The following IQSEC2 variants were observed in gnomAD, a reference collection of about 807,000 sequenced individuals.
The protein encoded by IQSEC2 is IQ motif and SEC7 domain-containing protein 2.
In IQSEC2, 6 loss-of-function variants were observed where a neutral mutation model predicts 74.6. The observed-to-expected ratio is 0.08, with a 90% CI of 0.04 to 0.16. The LOEUF (loss-of-function observed/expected upper bound fraction) is 0.16, where lower values mean the gene tolerates loss of function less well. Among genes scored for constraint, IQSEC2 ranks in the 10% least tolerant of loss-of-function variants. The probability of loss-of-function intolerance (pLI) is 1.00; values close to 1 mark genes in which losing one functional copy is unlikely to be tolerated. For missense variants in IQSEC2, 734 were observed against 1,306.2 expected (o/e 0.56, Z 6.75); for synonymous variants, 494 against 544.5 (o/e 0.91, Z 1.29).
At chrX:53,275,931 G>A (rs1049821387) in intron 2 of IQSEC2, among the ~76,000 whole-genome samples, 1 of 107,459 alleles carries the variant, frequency 9.3e-6, no homozygotes, top group African/African-American at 3.4e-5. Flanking sequence ...TCGATCTCCT[G>A]ACCTCGTGAT....
At position 53,281,566 on chromosome X, in the gene IQSEC2, GTCTC is replaced by G. The variant is rs782795437; in HGVS notation, c.737+10325_737+10328del. ...GGGCAGGCCCCCTGGCCTAGCCGGT[GTCTC>G]CACCGTGTCACCACCCCCTCCTCCC... On this transcript the variant is annotated intron_variant, in intron 2 of 14. Coordinates refer to ENST00000642864, the MANE Select transcript of IQSEC2 (RefSeq NM_001111125.3). The G allele has an allele frequency of 2.4e-4, 279 of 1,140,286 alleles. 1 individual carries two copies. The highest frequency in any genetic ancestry group is 4.1e-4 in the South Asian group (20 of 48,852). 94.0% of individuals were successfully genotyped at this position (1,140,286 alleles called of 1,213,427 possible).
chrX:53,252,725 A>C (rs7052031), intron 4 of IQSEC2, among the ~76,000 whole-genome samples: 13,769 of 111,931 alleles, frequency 0.12, 958 homozygotes, highest in African/African-American at 0.26. Flanking sequence ...GCTTCCTGGC[A>C]CCCAGAAACT....
intron 1 of IQSEC2, among the ~76,000 whole-genome samples, chrX:53,304,223 A>G (rs189162289): frequency 8.9e-6 from 1 of 111,979 alleles, no homozygotes; most frequent in African/African-American, 3.2e-5. Flanking sequence ...GACAAAAAGT[A>G]TAGCGAACAG....
chrX:53,299,180 G>A (rs2075185487), intron 1 of IQSEC2, among the ~76,000 whole-genome samples: 1 of 110,579 alleles, frequency 9.0e-6, no homozygotes, highest in African/African-American at 3.3e-5. Context: ...TCAAAATGCT[G>A]GGATTACAGG....
At position 53,319,421 on chromosome X, in the gene IQSEC2, T is replaced by C. The variant is rs1349870351; in HGVS notation, c.707+996A>G. The stretch of plus-strand genomic sequence containing the variant: ...CTGATGGCCTAAGAGAGAAAGAGAC[T>C]CAGTCAAGGTCACAAAGCCAATCTG... On this transcript the variant is annotated intron_variant, in intron 1 of 14. Transcript: ENST00000642864. 2.7e-5 allele frequency among the ~76,000 whole-genome samples: 3 copies of C among 111,913 alleles called. No individual in the cohort carries two copies. In the East Asian group the frequency reaches 8.4e-4, roughly 31 times the overall value.
At chrX:53,290,663 C>T (rs2075089657) in intron 2 of IQSEC2, among the ~76,000 whole-genome samples, 1 of 112,067 alleles carries the variant, frequency 8.9e-6, no homozygotes. Flanking sequence ...TAAAGCTGGC[C>T]TCAGCATGTG....
rs188161608 is a variant in IQSEC2 at position 53,235,878 on chromosome X, C to G, written c.3452-46G>C. 1.3e-3 allele frequency: 1,461 copies of G among 1,124,727 alleles called. 11 individuals are homozygous for G. In the African/African-American group the frequency reaches 0.022, roughly 17 times the overall value. 92.7% of individuals were successfully genotyped at this position (1,124,727 alleles called of 1,213,427 possible). A position where few individuals can be genotyped will look rare whatever the true frequency, so the allele number is the denominator to read the frequency against. ...CCCAGCGTCAGAGCAGCAACCCCCC[C>G]CCTACCCTGCTGGGCTCCAGAGCTG... On this transcript the variant is annotated intron_variant, in intron 13 of 14. Coordinates refer to ENST00000642864, the MANE Select transcript of IQSEC2 (RefSeq NM_001111125.3).
In IQSEC2 at chrX:53,233,719, G is replaced by A. The variant is rs2074082623; in HGVS notation, c.*500C>T. 1 of 293,758 alleles carries A rather than the reference G, an allele frequency of 3.4e-6. No individual in the cohort carries two copies. The highest frequency in any genetic ancestry group is 6.0e-6 in the Non-Finnish European group (1 of 167,983). 24.2% of individuals were successfully genotyped at this position (293,758 alleles called of 1,213,427 possible). ...TGGAAGTGTGTGGCCAGGCCCTGAG[G>A]TCAGAGAGAGGGCCAAGCCAGCTGA... is the stretch of plus-strand genomic sequence containing the variant. On this transcript the variant is annotated 3_prime_UTR_variant, in exon 15 of 15. Transcript: ENST00000642864.
intron 2 of IQSEC2, among the ~76,000 whole-genome samples, chrX:53,268,747 C>T (rs1327625471): frequency 8.9e-6 from 1 of 112,127 alleles, no homozygotes; most frequent in Non-Finnish European, 1.9e-5. Flanking sequence ...GCTCTCCCAC[C>T]ATATGGCCTC....
At chrX:53,289,123 AGCGCCTCTCCTC>A (rs2075065021) in intron 2 of IQSEC2, among the ~76,000 whole-genome samples, 1 of 101,591 alleles carries the variant, frequency 9.8e-6, no homozygotes, top group African/African-American at 4.7e-5. Flanking sequence ...GCCCAGGCCT[AGCGCCTCTCCTC>A]GGTGTTTCTT....
chrX:53,291,805 T>TG, intron 2 of IQSEC2, 90 bp downstream of exon 2: 4 of 858,809 alleles, frequency 4.7e-6, no homozygotes, highest in Non-Finnish European at 4.9e-6. Flanking sequence ...CCCCTCCCCT[T>TG]GCCCATGGAT....
chrX:53,241,641 G>T (rs1268440634), intron 10 of IQSEC2, 143 bp downstream of exon 10: 17 of 830,007 alleles, frequency 2.0e-5, no homozygotes, highest in Non-Finnish European at 3.0e-5. Context: ...CCTGGGCCTT[G>T]CCTGAGACCA....
chrX:53,261,258 G>C (rs1556866480), intron 2 of IQSEC2, among the ~76,000 whole-genome samples: 4 of 110,692 alleles, frequency 3.6e-5, no homozygotes, highest in Non-Finnish European at 7.6e-5. Context: ...CACACAGAGA[G>C]AGAAAGAGCC....
chrX:53,255,694 C>T lies in IQSEC2; in HGVS notation c.999+106G>A, dbSNP rs782676851. The T allele has an allele frequency of 1.7e-4, 169 of 978,838 alleles. No homozygotes were observed. In the South Asian group the frequency reaches 3.1e-3, roughly 18 times the overall value. The allele number at this position is 978,838 out of a possible 1,213,427, so 80.7% of individuals were successfully genotyped here. A position where few individuals can be genotyped will look rare whatever the true frequency, so the allele number is the denominator to read the frequency against. The stretch of plus-strand genomic sequence containing the variant: ...TGGGCCAGTCTTCTCCAATTCCAGC[C>T]TCATTATCCCTCCCTGATACCACCC... On this transcript the variant is annotated intron_variant, in intron 3 of 14. Coordinates refer to ENST00000642864, the MANE Select transcript of IQSEC2 (RefSeq NM_001111125.3).
intron 1 of IQSEC2, among the ~76,000 whole-genome samples, chrX:53,310,412 C>T (rs55732558): frequency 9.2e-6 from 1 of 108,802 alleles, no homozygotes; most frequent in African/African-American, 3.3e-5. Flanking sequence ...AACAAACAAA[C>T]AAAAAACTTG....
chrX:53,255,042 AC>A, intron 3 of IQSEC2, 111 bp from the exon 4 acceptor site: 1 of 769,254 alleles, frequency 1.3e-6, no homozygotes, highest in Non-Finnish European at 1.9e-6. Flanking sequence ...GCTTACAGCC[AC>A]CGAGAGCGCC....
intron 1 of IQSEC2, among the ~76,000 whole-genome samples, chrX:53,318,984 C>A (rs1233936044): frequency 8.9e-6 from 1 of 112,878 alleles, no homozygotes; most frequent in Non-Finnish European, 1.9e-5. Flanking sequence ...CCTTTGCCCC[C>A]AGACTCCTCA....
chrX:53,280,271 G>A (rs782378256), intron 2 of IQSEC2, among the ~76,000 whole-genome samples: 5 of 110,519 alleles, frequency 4.5e-5, no homozygotes, highest in Non-Finnish European at 9.5e-5. Context: ...GGGAGGAAGG[G>A]ATGGAGGAAG....
chrX:53,242,526 C>T (rs150514396), intron 9 of IQSEC2, among the ~76,000 whole-genome samples: 1 of 108,884 alleles, frequency 9.2e-6, no homozygotes, highest in East Asian at 2.9e-4. Context: ...AATGGTCTCT[C>T]TCTCCTTTCT....
Sources: gnomAD v4.1 joint callset for allele counts (sites outside exome capture counted in the v4.1 genomes callset) on GRCh38, gnomAD v4.1.1 for gene constraint, MANE v1.5 for transcripts, NCBI Gene and HGNC (gene_info 2026-07-23, HGNC 2026-07-21) for gene names.